The following TTC28 variants were observed in gnomAD, a reference collection of about 807,000 sequenced individuals.
TTC28 encodes tetratricopeptide repeat domain 28.
In TTC28, 61 loss-of-function variants were observed where a neutral mutation model predicts 198.0. That is an observed-to-expected ratio of 0.31 (90% CI 0.25 to 0.38). TTC28 has a LOEUF of 0.38. Ranked by LOEUF, TTC28 falls within the 10% of genes least tolerant of loss-of-function variation. TTC28 has a pLI of 1.00. For missense variants in TTC28, 2,678 were observed against 3,164.0 expected, an observed-to-expected ratio of 0.85 and a Z score of 3.69; for synonymous variants, 1,171 against 1,297.8, an observed-to-expected ratio of 0.90 and a Z score of 2.10.
intron 2 of TTC28, among the ~76,000 whole-genome samples, chr22:28,429,723 G>C (rs1186178364): frequency 1.3e-5 from 2 of 152,078 alleles, no homozygotes; most frequent in Non-Finnish European, 2.9e-5. Flanking sequence ...ACCTTTCCCA[G>C]ATGGTATAAT....
intron 1 of TTC28, among the ~76,000 whole-genome samples, chr22:28,634,007 G>C (rs1249585802): frequency 6.6e-6 from 1 of 152,172 alleles, no homozygotes; most frequent in African/African-American, 2.4e-5. Context: ...GGATGAGTCA[G>C]TACTAGTGCA....
intron 6 of TTC28, among the ~76,000 whole-genome samples, chr22:28,133,533 GTC>G (rs1943113493): frequency 1.3e-5 from 2 of 152,170 alleles, no homozygotes; most frequent in Admixed American, 1.3e-4. Flanking sequence ...TTTTCCAACT[GTC>G]TTAGCAAACG....
At chr22:28,519,329 T>G (rs9608689) in intron 2 of TTC28, among the ~76,000 whole-genome samples, 2,533 of 152,166 alleles carry the variant, frequency 0.017, 47 homozygotes, top group Non-Finnish European at 0.023. Context: ...AACTGGAGGA[T>G]GAAGAAAAAC....
At chr22:28,217,733 C>T (rs913436440) in intron 5 of TTC28, among the ~76,000 whole-genome samples, 1 of 152,104 alleles carries the variant, frequency 6.6e-6, no homozygotes, top group Non-Finnish European at 1.5e-5. Context: ...TTCCAACAAA[C>T]TTTTGTTTAT....
At chr22:28,324,785 A>C (rs910689724) in intron 2 of TTC28, among the ~76,000 whole-genome samples, 7 of 152,232 alleles carry the variant, frequency 4.6e-5, no homozygotes, top group Admixed American at 2.6e-4. Flanking sequence ...CCAATATCAT[A>C]CTGAATGGGC....
intron 2 of TTC28, among the ~76,000 whole-genome samples, chr22:28,396,261 A>C (rs2046813649): frequency 6.6e-6 from 1 of 152,224 alleles, no homozygotes; most frequent in Non-Finnish European, 1.5e-5. Context: ...ACTAGTTCAA[A>C]GAAAGCCAAA....
chr22:28,350,722 G>A (rs148531813), intron 2 of TTC28, among the ~76,000 whole-genome samples: 1 of 152,248 alleles, frequency 6.6e-6, no homozygotes, highest in East Asian at 1.9e-4. Context: ...AACAAAGAGG[G>A]CAGGAGTTAA....
intron 3 of TTC28, among the ~76,000 whole-genome samples, chr22:28,298,239 A>G (rs989900942): frequency 3.3e-5 from 5 of 152,220 alleles, no homozygotes; most frequent in Non-Finnish European, 7.3e-5. Flanking sequence ...TAATCTGTGT[A>G]TCCAAACTTG....
Position 28,384,528 on chromosome 22 carries a change from T to C in TTC28, c.382-77885A>G, listed in dbSNP as rs181661491. Reference sequence around the variant, plus strand: ...CCATGAAAGCAGAAAATTTATTTTATTCAGCAACAAGTCCCTATTGCCTAA... The same window carrying C: ...CCATGAAAGCAGAAAATTTATTTTACTCAGCAACAAGTCCCTATTGCCTAA... On this transcript the variant is annotated intron_variant, in intron 2 of 22. Coordinates refer to ENST00000397906, the MANE Select transcript of TTC28 (RefSeq NM_001145418.2). 2.3e-3 allele frequency among the ~76,000 whole-genome samples: 357 copies of C among 152,368 alleles called. 2 individuals are homozygous for C. Among genetic ancestry groups the C allele is most frequent in the Non-Finnish European group, 5.4e-4 (37 of 68,040 alleles).
chr22:28,368,175 G>A (rs187420490), intron 2 of TTC28, among the ~76,000 whole-genome samples: 51 of 151,956 alleles, frequency 3.4e-4, no homozygotes, highest in Non-Finnish European at 5.7e-4. Flanking sequence ...TAGCATATTG[G>A]ATTCAACAAG....
At chr22:28,053,161 G>A (rs1940151987) in intron 12 of TTC28, among the ~76,000 whole-genome samples, 2 of 152,254 alleles carry the variant, frequency 1.3e-5, no homozygotes, top group Non-Finnish European at 2.9e-5. Flanking sequence ...AATGGCTTCT[G>A]CCTTGTCAGC....
chr22:28,543,376 T>C (rs904963742), intron 2 of TTC28, among the ~76,000 whole-genome samples: 2 of 135,848 alleles, frequency 1.5e-5, no homozygotes, highest in African/African-American at 2.8e-5. Flanking sequence ...AGAGAAAGAA[T>C]AGGAAGAAGA....
chr22:28,594,439 C>T (rs1287844151), intron 2 of TTC28, among the ~76,000 whole-genome samples: 4 of 151,758 alleles, frequency 2.6e-5, no homozygotes, highest in Non-Finnish European at 5.9e-5. Context: ...GAAAAACTGC[C>T]ATAAATTGAG....
chr22:28,156,603 T>C (rs1601398582), intron 6 of TTC28, among the ~76,000 whole-genome samples: 1 of 152,144 alleles, frequency 6.6e-6, no homozygotes, highest in Non-Finnish European at 1.5e-5. Context: ...GGAGTTAACC[T>C]AGAAAAAAGG....
intron 12 of TTC28, among the ~76,000 whole-genome samples, chr22:28,053,199 G>A (rs1458147223): frequency 6.6e-6 from 1 of 152,256 alleles, no homozygotes; most frequent in African/African-American, 2.4e-5. Context: ...AGTGAGCTGT[G>A]TGAGGCAGAG....
At chr22:28,633,466 A>G (rs985178300) in intron 1 of TTC28, among the ~76,000 whole-genome samples, 1 of 152,032 alleles carries the variant, frequency 6.6e-6, no homozygotes, top group African/African-American at 2.4e-5. Context: ...CTGTCTCTAC[A>G]AAAAAGACAA....
intron 2 of TTC28, among the ~76,000 whole-genome samples, chr22:28,571,468 T>C (rs2050058411): frequency 6.6e-6 from 1 of 152,144 alleles, no homozygotes; most frequent in Non-Finnish European, 1.5e-5. Context: ...CCATAAATAT[T>C]AGAGGTTTAA....
At chr22:28,297,889 G>C in intron 3 of TTC28, 37 bp from the exon 4 acceptor site, 1 of 1,543,620 alleles carries the variant, frequency 6.5e-7, no homozygotes, top group East Asian at 2.4e-5. Context: ...CATAACAGGA[G>C]AATGTAGGAT....
At chr22:28,140,515 A>G (rs1224580374) in intron 6 of TTC28, among the ~76,000 whole-genome samples, 3 of 152,208 alleles carry the variant, frequency 2.0e-5, no homozygotes, top group Non-Finnish European at 2.9e-5. Context: ...CGTTCCACCT[A>G]TGTCAACATT....
Sources: gnomAD v4.1 joint callset for allele counts (sites outside exome capture counted in the v4.1 genomes callset) on GRCh38, gnomAD v4.1.1 for gene constraint, MANE v1.5 for transcripts, NCBI Gene and HGNC (gene_info 2026-07-23, HGNC 2026-07-21) for gene names.